CHST3: variants seen among roughly 807,000 people sequenced by gnomAD.
The protein encoded by CHST3 is C6ST-1.
A neutral mutation model predicts 35.4 loss-of-function variants in CHST3; 20 were observed. That is an observed-to-expected ratio of 0.57 (90% CI 0.40 to 0.82). CHST3 has a LOEUF of 0.82. CHST3 is among the 40% of genes least tolerant of loss of function. The pLI is 0.00. For missense variants in CHST3, 693 were observed against 670.1 expected (o/e 1.03, Z -0.38); for synonymous variants, 334 against 295.9 (o/e 1.13, Z -1.32).
chr10:72,007,188 A>AAGCAGATTCCCCAAGCTCT lies in CHST3; in HGVS notation c.165_183dup (p.Ala62SerfsTer18). The AAGCAGATTCCCCAAGCTCT allele has an allele frequency of 6.2e-7, 1 of 1,614,142 alleles. No individual in the cohort carries two copies. The highest frequency in any genetic ancestry group is 1.1e-5 in the South Asian group (1 of 91,074). On this transcript the variant is annotated frameshift_variant, in exon 3 of 3. Transcript: ENST00000373115. LOFTEE classifies it high-confidence loss of function. ...TCCTCACAGGGTCTCAGACAAGCTG[A>AAGCAGATTCCCCAAGCTCT]AGCAGATTCCCCAAGCTCTAGCAGA... is the stretch of plus-strand genomic sequence containing the variant.
In CHST3 at chr10:72,012,210, T is replaced by C. The variant is rs2131782330; in HGVS notation, c.*3739T>C. On this transcript the variant is annotated 3_prime_UTR_variant, in exon 3 of 3. Transcript: ENST00000373115. The stretch of plus-strand genomic sequence containing the variant: ...CATCACACGACATCTTTCCCTCCCA[T>C]CTCTGCCATCTGTCTGTCTGGCAAT... 6.6e-6 allele frequency: 1 copy of C among 152,310 alleles called. No homozygotes were observed. The highest frequency in any genetic ancestry group is 2.1e-4 in the South Asian group (1 of 4,826). 9.4% of individuals were successfully genotyped at this position (152,310 alleles called of 1,614,324 possible). A position where few individuals can be genotyped will look rare whatever the true frequency, so the allele number is the denominator to read the frequency against.
intron 1 of CHST3, among the ~76,000 whole-genome samples, chr10:71,977,813 G>T (rs1297796403): frequency 6.6e-6 from 1 of 152,096 alleles, no homozygotes; most frequent in African/African-American, 2.4e-5. Flanking sequence ...GGGATTACAG[G>T]TGTGCACCAC....
intron 1 of CHST3, among the ~76,000 whole-genome samples, chr10:71,992,626 T>C (rs1208332015): frequency 6.6e-6 from 1 of 152,034 alleles, no homozygotes; most frequent in Non-Finnish European, 1.5e-5. Context: ...CTAACTCTGC[T>C]GCTGCTTTAT....
chr10:72,008,688 C>G lies in CHST3; in HGVS notation c.*217C>G, dbSNP rs931114376. ...CCTTGAGGGCCATCACACCCAGACC[C>G]AACGGGTTGCAGCCTCCTGAGCAGG... is the stretch of plus-strand genomic sequence containing the variant. On this transcript the variant is annotated 3_prime_UTR_variant, in exon 3 of 3. Transcript: ENST00000373115. 1.6e-5 allele frequency: 16 copies of G among 969,770 alleles called. No individual in the cohort carries two copies. The highest frequency in any genetic ancestry group is 6.5e-5 in the Admixed American group (2 of 30,932). The allele number at this position is 969,770 out of a possible 1,614,324, so 60.1% of individuals were successfully genotyped here.
At chr10:71,997,434 C>T (rs188959962) in intron 1 of CHST3, among the ~76,000 whole-genome samples, 2 of 152,306 alleles carry the variant, frequency 1.3e-5, no homozygotes, top group Non-Finnish European at 2.9e-5. Flanking sequence ...CTCTACCTCT[C>T]TGCCACTGCC....
At chr10:71,996,364 C>G (rs1436968064) in intron 1 of CHST3, among the ~76,000 whole-genome samples, 1 of 151,772 alleles carries the variant, frequency 6.6e-6, no homozygotes, top group African/African-American at 2.4e-5. Flanking sequence ...TCATTGCTAA[C>G]TTTGTCAGAC....
chr10:71,970,159 G>A (rs1350628466), intron 1 of CHST3, among the ~76,000 whole-genome samples: 1 of 152,078 alleles, frequency 6.6e-6, no homozygotes, highest in African/African-American at 2.4e-5. Flanking sequence ...CTGCTGGGCC[G>A]CCACCAGCTT....
intron 1 of CHST3, among the ~76,000 whole-genome samples, chr10:71,969,456 C>T (rs1251230314): frequency 6.6e-6 from 1 of 152,230 alleles, no homozygotes; most frequent in African/African-American, 2.4e-5. Flanking sequence ...CATCTCTGCC[C>T]TGAGAGCCCC....
intron 1 of CHST3, among the ~76,000 whole-genome samples, chr10:71,974,472 G>A (rs1839726228): frequency 6.6e-6 from 1 of 152,224 alleles, no homozygotes. Context: ...CATGGCAGGG[G>A]CATCACAGGG....
chr10:72,006,743 C>T (rs943182055), intron 2 of CHST3, among the ~76,000 whole-genome samples: 4 of 152,134 alleles, frequency 2.6e-5, no homozygotes, highest in Admixed American at 6.5e-5. Context: ...TAGTGGACAC[C>T]GTCAATCCCC....
chr10:72,008,448 A>T lies in CHST3; in HGVS notation c.1417A>T (p.Arg473Trp). The T allele has an allele frequency of 6.4e-7, 1 of 1,563,022 alleles. No individual in the cohort carries two copies. The change falls in exon 3 of 3, where the codon AGG (arginine) becomes TGG (tryptophan). Residue 473 changes from arginine to tryptophan, a missense_variant. Coordinates refer to ENST00000373115, the MANE Select transcript of CHST3 (RefSeq NM_004273.5). ...TNRSVSLLEE[R>W]GTFWVT ...CCGCTCAGTCAGCCTGCTGGAGGAG[A>T]GGGGCACCTTCTGGGTCACGTAGGG...
intron 1 of CHST3, among the ~76,000 whole-genome samples, chr10:72,002,426 C>G (rs11000128): frequency 0.022 from 3,279 of 152,300 alleles, 135 homozygotes; most frequent in African/African-American, 0.075. Context: ...CTCCCCGACC[C>G]GCACCTGCCT....
intron 1 of CHST3, among the ~76,000 whole-genome samples, chr10:71,972,648 A>G (rs1839706564): frequency 6.6e-6 from 1 of 151,968 alleles, no homozygotes; most frequent in South Asian, 2.1e-4. Context: ...CAAGACAGGA[A>G]CCCCACCCCG....
At chr10:71,997,207 C>A (rs1839949809) in intron 1 of CHST3, among the ~76,000 whole-genome samples, 1 of 152,078 alleles carries the variant, frequency 6.6e-6, no homozygotes, top group South Asian at 2.1e-4. Flanking sequence ...TAAACATCAA[C>A]CCCCCGGCCC....
intron 1 of CHST3, among the ~76,000 whole-genome samples, chr10:71,970,082 TTGTTC>T (rs1170121876): frequency 6.6e-6 from 1 of 152,234 alleles, no homozygotes; most frequent in Non-Finnish European, 1.5e-5. Context: ...CCTGGACGGT[TTGTTC>T]TGTGCTTGCC....
At chr10:72,000,142 T>G (rs1839979654) in intron 1 of CHST3, among the ~76,000 whole-genome samples, 1 of 152,216 alleles carries the variant, frequency 6.6e-6, no homozygotes, top group Non-Finnish European at 1.5e-5. Flanking sequence ...TTGCCTTTTT[T>G]TCTTCCTCTT....
chr10:72,008,071 G>C lies in CHST3; in HGVS notation c.1040G>C (p.Ser347Thr). The change falls in exon 3 of 3, where the codon AGC becomes ACC. Residue 347 changes from serine to threonine, a missense_variant. Ser to Thr is a moderately conservative substitution (Grantham distance 58). Transcript: ENST00000373115. ...EVQRLRGNCESIRLSAELGLR... is the reference protein window; with the variant it reads ...EVQRLRGNCETIRLSAELGLR... The stretch of plus-strand genomic sequence containing the variant: ...CAGCGGCTGCGGGGCAACTGCGAGA[G>C]CATCCGCCTGTCCGCGGAGCTGGGG... 1.3e-6 allele frequency: 2 copies of C among 1,546,332 alleles called. No individual in the cohort carries two copies. Among genetic ancestry groups the C allele is most frequent in the African/African-American group, 1.4e-5 (1 of 73,080 alleles).
intron 1 of CHST3, among the ~76,000 whole-genome samples, chr10:71,996,751 C>A (rs929019456): frequency 7.9e-5 from 12 of 152,242 alleles, no homozygotes; most frequent in East Asian, 1.9e-4. Context: ...CACAAACATT[C>A]ATTGAGCCCT....
chr10:72,007,505 C>T lies in CHST3; in HGVS notation c.474C>T (p.Ile158=). Residue 158 remains isoleucine (I), a synonymous_variant, in exon 3 of 3, where the codon ATC becomes ATT. Coordinates refer to ENST00000373115, the MANE Select transcript of CHST3 (RefSeq NM_004273.5). ...AGTTCTTCAACCAGCAGGGCAACAT[C>T]TTCTACCTCTTCGAGCCGCTGTGGC... ...VGEFFNQQGN[I]FYLFEPLWHI... The T allele has an allele frequency of 1.2e-6, 2 of 1,602,264 alleles. No homozygotes were observed. Among genetic ancestry groups the T allele is most frequent in the Non-Finnish European group, 8.5e-7 (1 of 1,179,714 alleles).
Sources: gnomAD v4.1 joint callset for allele counts (sites outside exome capture counted in the v4.1 genomes callset) on GRCh38, gnomAD v4.1.1 for gene constraint, MANE v1.5 for transcripts, NCBI Gene and HGNC (gene_info 2026-07-23, HGNC 2026-07-21) for gene names.